Variants in ZNF385D observed in about 807,000 individuals in gnomAD.
ZNF385D encodes the protein zinc finger protein 385D.
Under a neutral mutation model 35.8 loss-of-function variants are expected in ZNF385D, and 15 were observed. The observed-to-expected ratio is 0.42, with a 90% CI of 0.28 to 0.64. The LOEUF (loss-of-function observed/expected upper bound fraction) is 0.64. ZNF385D is among the 30% of genes least tolerant of loss of function. ZNF385D has a pLI of 0.23. For synonymous variants in ZNF385D, 212 were observed against 186.8 expected, an observed-to-expected ratio of 1.13 and a Z score of -1.10; for missense variants, 474 against 494.6, an observed-to-expected ratio of 0.96 and a Z score of 0.39.
At chr3:21,687,665 A>G (rs775878375) in intron 1 of ZNF385D, among the ~76,000 whole-genome samples, 3 of 152,190 alleles carry the variant, frequency 2.0e-5, no homozygotes, top group Non-Finnish European at 2.9e-5. Context: ...CAAATGTATA[A>G]TGATATATAT....
chr3:21,752,402 T>G (rs1274857179), upstream of ZNF385D, among the ~76,000 whole-genome samples: 1 of 152,182 alleles, frequency 6.6e-6, no homozygotes, highest in Non-Finnish European at 1.5e-5. Flanking sequence ...AAAAGTGTGA[T>G]AGCAAAGATT....
At chr3:22,119,148 G>A (rs75181814) in intron 3 of ZNF385D, among the ~76,000 whole-genome samples, 2,594 of 152,198 alleles carry the variant, frequency 0.017, 43 homozygotes, top group South Asian at 0.033. Flanking sequence ...AATACCACCC[G>A]CCTGATGAAC....
intron 3 of ZNF385D, among the ~76,000 whole-genome samples, chr3:22,084,832 C>A (rs1385614680): frequency 6.6e-6 from 1 of 152,172 alleles, no homozygotes; most frequent in Admixed American, 6.5e-5. Flanking sequence ...GGAAGTAAAG[C>A]ACTCCTCAGC....
At chr3:21,834,590 C>T (rs1424802226) in intron 3 of ZNF385D, among the ~76,000 whole-genome samples, 1 of 152,142 alleles carries the variant, frequency 6.6e-6, no homozygotes, top group African/African-American at 2.4e-5. Flanking sequence ...TTTGTACTCC[C>T]AGCTAAGTGA....
chr3:21,646,061 C>G lies in ZNF385D; in HGVS notation c.165+18825G>C, dbSNP rs1281513275. ...CTCATTTACAGGGAATGAGAAAATA[C>G]CTAAAAAGAATGTGGAGGCTGAGGC... is the stretch of plus-strand genomic sequence containing the variant. On this transcript the variant is annotated intron_variant, in intron 2 of 7. Coordinates refer to ENST00000281523, the MANE Select transcript of ZNF385D (RefSeq NM_024697.3). This position sits in a 1 kb window ranked among gnomAD's most constrained non-coding sequence, Gnocchi z 4.3. Among the ~76,000 whole-genome samples the G allele has an allele frequency of 3.3e-5, 5 of 152,014 alleles. No homozygotes were observed. The East Asian group carries it at 9.7e-4, about 29-fold the overall frequency.
chr3:22,018,784 C>T (rs1487768074), intron 3 of ZNF385D, among the ~76,000 whole-genome samples: 1 of 151,838 alleles, frequency 6.6e-6, no homozygotes, highest in Non-Finnish European at 1.5e-5. Context: ...GTGAAAGTAA[C>T]CCTACAAAGT....
At chr3:21,925,309 A>G (rs147320944) in intron 3 of ZNF385D, among the ~76,000 whole-genome samples, 3 of 152,294 alleles carry the variant, frequency 2.0e-5, no homozygotes, top group African/African-American at 7.2e-5. Flanking sequence ...ACACAGATCA[A>G]TGAAGCTGAA....
intron 3 of ZNF385D, among the ~76,000 whole-genome samples, chr3:21,823,131 A>G (rs11919502): frequency 1.9e-3 from 284 of 152,288 alleles, no homozygotes; most frequent in African/African-American, 6.2e-3. Flanking sequence ...ATATATTACA[A>G]TATGTGTACA....
At chr3:21,593,167 T>TCTCAA (rs2064031739) in intron 2 of ZNF385D, among the ~76,000 whole-genome samples, 1 of 152,164 alleles carries the variant, frequency 6.6e-6, no homozygotes. Context: ...GCTTGAGATC[T>TCTCAA]CTCAACTCAA....
intron 3 of ZNF385D, among the ~76,000 whole-genome samples, chr3:22,117,575 T>G (rs1008067042): frequency 2.5e-4 from 26 of 103,950 alleles, no homozygotes; most frequent in African/African-American, 6.6e-4. Context: ...TATTCCACTA[T>G]TTTTTTTTTA....
chr3:21,604,997 CTGACACTAGAG>C (rs2064433682), intron 2 of ZNF385D, among the ~76,000 whole-genome samples: 4 of 152,150 alleles, frequency 2.6e-5, no homozygotes, highest in African/African-American at 9.7e-5. Flanking sequence ...GGGCATACCT[CTGACACTAGAG>C]AGAGGCATGA....
intron 3 of ZNF385D, among the ~76,000 whole-genome samples, chr3:21,829,397 AGC>A (rs1694847018): frequency 6.6e-6 from 1 of 152,134 alleles, no homozygotes; most frequent in African/African-American, 2.4e-5. Flanking sequence ...ATTATTAACA[AGC>A]TTGGCTATTT....
intron 7 of ZNF385D, among the ~76,000 whole-genome samples, chr3:21,423,537 T>G (rs1444381589): frequency 6.6e-6 from 1 of 152,180 alleles, no homozygotes; most frequent in Non-Finnish European, 1.5e-5. Flanking sequence ...GACATTATAA[T>G]AGTATACTTA....
chr3:22,365,077 G>A (rs1696591003), intron 2 of ZNF385D, among the ~76,000 whole-genome samples: 1 of 152,046 alleles, frequency 6.6e-6, no homozygotes, highest in South Asian at 2.1e-4. Context: ...CATGGTGGTT[G>A]CCAGGGGCTG....
chr3:22,110,929 T>C (rs1329988019), intron 3 of ZNF385D, among the ~76,000 whole-genome samples: 2 of 152,006 alleles, frequency 1.3e-5, no homozygotes, highest in South Asian at 4.1e-4. Flanking sequence ...AGACAAGAAA[T>C]GTAAAATGGA....
Position 22,270,812 on chromosome 3 carries a change from A to T in ZNF385D, c.106+101638T>A, listed in dbSNP as rs1327612083. On this transcript the variant is annotated intron_variant, in intron 2 of 5. Coordinates refer to the ZNF385D transcript ENST00000494108. ...AAACATATGTAGCTTTAATAAATGT[A>T]TTGAACTTACTTATGTAATTTTCCT... is the stretch of plus-strand genomic sequence containing the variant. 2.0e-5 allele frequency among the ~76,000 whole-genome samples: 3 copies of T among 152,008 alleles called. No individual in the cohort carries two copies. The East Asian group carries it at 5.8e-4, about 29-fold the overall frequency.
chr3:22,185,647 T>C (rs1424224800), intron 2 of ZNF385D, among the ~76,000 whole-genome samples: 2 of 152,148 alleles, frequency 1.3e-5, no homozygotes, highest in Non-Finnish European at 2.9e-5. Context: ...TTTGTATTTT[T>C]AGTAGAGATA....
intron 3 of ZNF385D, among the ~76,000 whole-genome samples, chr3:21,922,742 G>T (rs1700534201): frequency 1.3e-5 from 2 of 152,076 alleles, no homozygotes; most frequent in East Asian, 1.9e-4. Context: ...GGAATTTATG[G>T]CTAAGTCTTC....
chr3:21,757,508 T>C (rs2070399847), intron 3 of ZNF385D, among the ~76,000 whole-genome samples: 1 of 152,160 alleles, frequency 6.6e-6, no homozygotes, highest in African/African-American at 2.4e-5. Flanking sequence ...TTTATTATAT[T>C]TAATAACCAG....
Sources: gnomAD v4.1 joint callset for allele counts (sites outside exome capture counted in the v4.1 genomes callset) on GRCh38, gnomAD v4.1.1 for gene constraint, Gnocchi (gnomAD v3.1) non-coding constraint, MANE v1.5 for transcripts, NCBI Gene and HGNC (gene_info 2026-07-23, HGNC 2026-07-21) for gene names.